The following PGPEP1L variants were observed in gnomAD, a reference collection of about 807,000 sequenced individuals.
PGPEP1L encodes pyroglutamyl-peptidase 1-like protein.
A neutral mutation model predicts 6.0 loss-of-function variants in PGPEP1L; 7 were observed. The ratio of observed to expected loss-of-function variants is 1.17; its 90% CI spans 0.66 to 2.19. The LOEUF (loss-of-function observed/expected upper bound fraction) is 2.19, where lower values mean the gene tolerates loss of function less well. Ranked by LOEUF, PGPEP1L falls within the 30% of genes most tolerant of loss-of-function variation. The pLI, the probability that PGPEP1L is intolerant of heterozygous loss-of-function variation, is 0.00. For missense variants in PGPEP1L, 209 were observed against 192.5 expected (o/e 1.09, Z -0.51); for synonymous variants, 103 against 83.9 (o/e 1.23, Z -1.24).
At position 99,005,149 on chromosome 15, in the gene PGPEP1L, G is replaced by A. The variant is rs566127635; in HGVS notation, c.-142+280C>T. Among the ~76,000 whole-genome samples, 562 of 152,292 alleles carry A rather than the reference G, an allele frequency of 3.7e-3. 3 individuals carry two copies. The highest frequency in any genetic ancestry group is 0.013 in the African/African-American group (539 of 41,572). On this transcript the variant is annotated intron_variant, in intron 2 of 4. Coordinates refer to ENST00000535714, the MANE Select transcript of PGPEP1L (RefSeq NM_001167902.2). ...AGCTTCCTCCCTGCTGGGTTGAAAG[G>A]CAAGGTCTGAGCCTAAGCCACCAGT...
chr15:98,971,770 G>A (rs1032178569), intron 2 of PGPEP1L, among the ~76,000 whole-genome samples: 15 of 152,164 alleles, frequency 9.9e-5, no homozygotes, highest in African/African-American at 3.6e-4. Flanking sequence ...TATGGTAATG[G>A]TGTTAAGTGA....
intron 2 of PGPEP1L, among the ~76,000 whole-genome samples, chr15:99,001,851 G>A (rs1447040903): frequency 3.9e-5 from 6 of 152,068 alleles, no homozygotes; most frequent in Non-Finnish European, 8.8e-5. Context: ...CTAAGTAGCT[G>A]GGGTTACAGG....
At chr15:98,990,703 A>G (rs1555471959) in intron 2 of PGPEP1L, among the ~76,000 whole-genome samples, 1 of 152,216 alleles carries the variant, frequency 6.6e-6, no homozygotes, top group African/African-American at 2.4e-5. Flanking sequence ...AATTGACCAC[A>G]TAATTGGAAG....
intron 2 of PGPEP1L, chr15:99,001,223 G>A: frequency 2.4e-6 from 1 of 409,230 alleles, no homozygotes; most frequent in Non-Finnish European, 4.9e-6. Context: ...AAGTCAGTGA[G>A]ACCAACAACC....
chr15:98,974,262 C>CAAAAAT (rs2017537579), intron 2 of PGPEP1L, among the ~76,000 whole-genome samples: 1 of 152,010 alleles, frequency 6.6e-6, no homozygotes, highest in African/African-American at 2.4e-5. Context: ...GCCTGTAATC[C>CAAAAAT]CAGCTACTCA....
At chr15:99,004,076 T>C (rs1198449739) in intron 2 of PGPEP1L, among the ~76,000 whole-genome samples, 2 of 145,994 alleles carry the variant, frequency 1.4e-5, no homozygotes, top group African/African-American at 2.6e-5. Context: ...TCCAACACAA[T>C]TCAGAAAACT....
At chr15:98,980,939 G>GAAA (rs34836014) in intron 2 of PGPEP1L, among the ~76,000 whole-genome samples, 89 of 145,928 alleles carry the variant, frequency 6.1e-4, no homozygotes, top group East Asian at 4.9e-3. Flanking sequence ...TCTGGAAAAG[G>GAAA]AAAAAAAAAA....
intron 3 of PGPEP1L, among the ~76,000 whole-genome samples, chr15:98,970,636 C>T (rs1375692677): frequency 2.6e-5 from 4 of 152,142 alleles, no homozygotes. Context: ...TGGGCCTCCC[C>T]TAGGCTGGCC....
intron 2 of PGPEP1L, among the ~76,000 whole-genome samples, chr15:98,971,953 C>G (rs1173194658): frequency 6.6e-6 from 1 of 152,192 alleles, no homozygotes; most frequent in Non-Finnish European, 1.5e-5. Context: ...TCTTTGCAAT[C>G]CATGTTCAGT....
Position 98,968,436 on chromosome 15 carries a change from G to A in PGPEP1L, c.*42C>T, listed in dbSNP as rs1433504743. 5 of 1,574,236 alleles carry A rather than the reference G, an allele frequency of 3.2e-6. No individual in the cohort carries two copies. Among genetic ancestry groups the A allele is most frequent in the Admixed American group, 3.6e-5 (2 of 55,580 alleles). ...AATGCACAGTTGAGTGCTACATACAGGATTGAAACATTCAATTTTCTCTAG... is the reference window on the plus strand; with the variant it reads ...AATGCACAGTTGAGTGCTACATACAAGATTGAAACATTCAATTTTCTCTAG... On this transcript the variant is annotated 3_prime_UTR_variant, in exon 5 of 5. Transcript: ENST00000535714.
At chr15:99,001,909 G>T (rs150251949) in intron 2 of PGPEP1L, among the ~76,000 whole-genome samples, 1 of 152,082 alleles carries the variant, frequency 6.6e-6, no homozygotes, top group Admixed American at 6.5e-5. Flanking sequence ...GTAGAGATGG[G>T]GTTTCACTAT....
chr15:98,975,792 A>G (rs924196889), intron 2 of PGPEP1L, among the ~76,000 whole-genome samples: 4 of 152,180 alleles, frequency 2.6e-5, no homozygotes, highest in African/African-American at 7.2e-5. Flanking sequence ...GAGGCAGGAG[A>G]ATCGCTTTAA....
rs757961784 is a variant in PGPEP1L at position 98,979,030 on chromosome 15, AGG to A, written c.-141-7874_-141-7873del. Among the ~76,000 whole-genome samples the A allele has an allele frequency of 3.3e-3, 155 of 46,568 alleles. 1 individual carries two copies. Among genetic ancestry groups the A allele is most frequent in the Non-Finnish European group, 1.9e-3 (42 of 21,656 alleles). 30.6% of individuals were successfully genotyped at this position (46,568 alleles called of 152,430 possible). ...GGTGTGAGCCGCCGCGCCTGGCTAC[AGG>A]ATATATATATATATATATTTTTATT... On this transcript the variant is annotated intron_variant, in intron 2 of 4. Transcript: ENST00000535714.
At chr15:98,981,644 G>A (rs1445493890) in intron 2 of PGPEP1L, among the ~76,000 whole-genome samples, 2 of 152,138 alleles carry the variant, frequency 1.3e-5, no homozygotes, top group African/African-American at 2.4e-5. Context: ...AGGCATTAGG[G>A]GAAACTGAGG....
chr15:98,971,669 G>C (rs1303686339), intron 2 of PGPEP1L, among the ~76,000 whole-genome samples: 2 of 152,174 alleles, frequency 1.3e-5, no homozygotes, highest in African/African-American at 4.8e-5. Flanking sequence ...GGTTCAACTT[G>C]AAAGAAACAG....
intron 2 of PGPEP1L, among the ~76,000 whole-genome samples, chr15:98,992,358 AAG>A (rs1436243927): frequency 3.9e-5 from 6 of 152,196 alleles, no homozygotes; most frequent in Non-Finnish European, 8.8e-5. Context: ...AATTGCTACA[AAG>A]AGAATAAAAT....
At chr15:99,007,223 G>C (rs1377976521) in intron 1 of PGPEP1L, 136 bp downstream of exon 1, 1 of 151,396 alleles carries the variant, frequency 6.6e-6, no homozygotes, top group South Asian at 2.1e-4. Context: ...ACCTTGCCAT[G>C]AGTGGGATGC....
chr15:98,982,881 T>G (rs1490781103), intron 2 of PGPEP1L, among the ~76,000 whole-genome samples: 2 of 151,826 alleles, frequency 1.3e-5, no homozygotes, highest in Non-Finnish European at 2.9e-5. Context: ...CAGCTGATTT[T>G]TGTGTTTTTA....
intron 2 of PGPEP1L, among the ~76,000 whole-genome samples, chr15:98,995,788 C>A (rs1443689233): frequency 3.9e-5 from 6 of 152,262 alleles, no homozygotes; most frequent in Non-Finnish European, 8.8e-5. Context: ...GCCCAAAAAA[C>A]CCCATATTCA....
Sources: gnomAD v4.1 joint callset for allele counts (sites outside exome capture counted in the v4.1 genomes callset) on GRCh38, gnomAD v4.1.1 for gene constraint, MANE v1.5 for transcripts, NCBI Gene and HGNC (gene_info 2026-07-23, HGNC 2026-07-21) for gene names.